Variants in CSMD1 observed in about 807,000 individuals in gnomAD.
The protein encoded by CSMD1 is CUB and Sushi multiple domains 1.
In CSMD1, 213 loss-of-function variants were observed where a neutral mutation model predicts 417.5. The ratio of observed to expected loss-of-function variants is 0.51; its 90% CI spans 0.46 to 0.57. CSMD1 has a LOEUF of 0.57. CSMD1 is among the 20% of genes least tolerant of loss of function. CSMD1 has a pLI of 0.00. For missense variants in CSMD1, 6,923 were observed against 4,529.7 expected, an observed-to-expected ratio of 1.53 and a Z score of -15.17; for synonymous variants, 2,862 against 1,736.8, an observed-to-expected ratio of 1.65 and a Z score of -16.11.
chr8:4,031,284 G>T (rs932535108), intron 4 of CSMD1, among the ~76,000 whole-genome samples: 2 of 152,172 alleles, frequency 1.3e-5, no homozygotes, highest in Non-Finnish European at 2.9e-5. Context: ...ACAAAAGAAA[G>T]AAGTTTAATA....
chr8:4,944,646 G>T (rs77042726), intron 1 of CSMD1, among the ~76,000 whole-genome samples: 3,070 of 152,230 alleles, frequency 0.02, 80 homozygotes, highest in African/African-American at 0.059. Context: ...CATATGAAGA[G>T]ATGTTCGATA....
At chr8:3,519,582 G>C (rs1797417626) in intron 10 of CSMD1, among the ~76,000 whole-genome samples, 1 of 152,118 alleles carries the variant, frequency 6.6e-6, no homozygotes, top group Non-Finnish European at 1.5e-5. Context: ...CCTTGGTAGA[G>C]ACTACCTTCA....
At chr8:4,118,865 G>A (rs1259797669) in intron 3 of CSMD1, among the ~76,000 whole-genome samples, 2 of 152,138 alleles carry the variant, frequency 1.3e-5, no homozygotes, top group African/African-American at 4.8e-5. Context: ...ATGTTAGACT[G>A]GATAAAGAAA....
intron 10 of CSMD1, among the ~76,000 whole-genome samples, chr8:3,560,637 T>G (rs920983628): frequency 2.6e-5 from 4 of 152,144 alleles, no homozygotes; most frequent in Non-Finnish European, 4.4e-5. Flanking sequence ...CGGGATGATA[T>G]AAAAACCTAG....
At chr8:3,353,604 C>A (rs1225729081) in intron 21 of CSMD1, among the ~76,000 whole-genome samples, 1 of 152,170 alleles carries the variant, frequency 6.6e-6, no homozygotes, top group African/African-American at 2.4e-5. Context: ...AAGTAAAGAG[C>A]AAGTGCTCAG....
At chr8:4,110,065 A>G (rs1400612530) in intron 3 of CSMD1, among the ~76,000 whole-genome samples, 1 of 152,192 alleles carries the variant, frequency 6.6e-6, no homozygotes, top group Non-Finnish European at 1.5e-5. Flanking sequence ...AAGTCACCCA[A>G]TGATCACGTG....
rs577176979 is a variant in CSMD1, at chr8:3,493,242, C to T, written c.1448+381G>A. ...CCGGGAGGCGGAGGTTGCAGTGAGC[C>T]GAGATCTGACCACTGCACTGCAGCC... On this transcript the variant is annotated intron_variant, in intron 11 of 69. Transcript: ENST00000635120. Among the ~76,000 whole-genome samples, 11 of 145,176 alleles carry T rather than the reference C, an allele frequency of 7.6e-5. 1 individual carries two copies. The highest frequency in any genetic ancestry group is 7.3e-3 in the Middle Eastern group (2 of 274).
chr8:4,214,685 G>A (rs1044785569), intron 3 of CSMD1, among the ~76,000 whole-genome samples: 2 of 152,136 alleles, frequency 1.3e-5, no homozygotes, highest in Non-Finnish European at 2.9e-5. Flanking sequence ...TGTGTTTGGT[G>A]TGTGTGTAGC....
intron 2 of CSMD1, among the ~76,000 whole-genome samples, chr8:4,473,531 G>A (rs1800645048): frequency 6.6e-6 from 1 of 152,100 alleles, no homozygotes; most frequent in South Asian, 2.1e-4. Flanking sequence ...TTGCAATTAG[G>A]CTATGCCTTT....
At chr8:3,230,881 A>T (rs1405853215) in intron 26 of CSMD1, among the ~76,000 whole-genome samples, 1 of 152,168 alleles carries the variant, frequency 6.6e-6, no homozygotes, top group Non-Finnish European at 1.5e-5. Context: ...CTGCATATAT[A>T]TAAAGAATCT....
intron 3 of CSMD1, among the ~76,000 whole-genome samples, chr8:4,145,122 G>T (rs908739075): frequency 2.0e-5 from 3 of 151,044 alleles, no homozygotes. Context: ...ATTACATGGC[G>T]CAGATATAAT....
At chr8:4,072,249 C>T (rs1342891605) in intron 3 of CSMD1, among the ~76,000 whole-genome samples, 1 of 151,922 alleles carries the variant, frequency 6.6e-6, no homozygotes, top group Non-Finnish European at 1.5e-5. Context: ...GGGTTGAATC[C>T]CATAGGAGTT....
intron 30 of CSMD1, 52 bp downstream of exon 30, chr8:3,214,445 T>C: frequency 1.4e-6 from 2 of 1,406,584 alleles, no homozygotes; most frequent in South Asian, 2.9e-5. Context: ...AATGAGATGC[T>C]GCATTTTAAA....
In CSMD1 at chr8:3,407,968, G is replaced by T. The variant is rs761042915; in HGVS notation, c.2002C>A (p.His668Asn). The change falls in exon 14 of 70, where the codon CAT (histidine) becomes AAT (asparagine). Residue 668 changes from histidine to asparagine, a missense_variant. Coordinates refer to ENST00000635120, the MANE Select transcript of CSMD1 (RefSeq NM_033225.6). ...GACTGAAATTCCAAGCGAACTATATGCCCACTGCTGGCCAGCTGGGAAGGC... is the reference window on the plus strand; with the variant it reads ...GACTGAAATTCCAAGCGAACTATATTCCCACTGCTGGCCAGCTGGGAAGGC... ...EVPSQLASSGHIVRLEFQSDH... is the reference protein window; with the variant it reads ...EVPSQLASSGNIVRLEFQSDH... The T allele has an allele frequency of 6.2e-7, 1 of 1,613,558 alleles. No homozygotes were observed. Among genetic ancestry groups the T allele is most frequent in the African/African-American group, 1.3e-5 (1 of 74,880 alleles).
rs150348350 is a variant in CSMD1 at position 3,856,274 on chromosome 8, A to T, written c.819-102232T>A. 4.0e-3 allele frequency among the ~76,000 whole-genome samples: 605 copies of T among 152,144 alleles called. 3 individuals carry two copies. The highest frequency in any genetic ancestry group is 0.014 in the African/African-American group (584 of 41,496). On this transcript the variant is annotated intron_variant, in intron 5 of 69. Coordinates refer to ENST00000635120, the MANE Select transcript of CSMD1 (RefSeq NM_033225.6). ...TCTTCCTACTTGGCCCATGTAAGAC[A>T]CACCTGCTTCCGCTTCATCTTCCGC...
intron 26 of CSMD1, among the ~76,000 whole-genome samples, chr8:3,254,014 A>G (rs983179252): frequency 1.3e-5 from 2 of 152,060 alleles, no homozygotes; most frequent in Non-Finnish European, 2.9e-5. Flanking sequence ...GGCTGGTACT[A>G]GTTGTTCCTT....
intron 1 of CSMD1, among the ~76,000 whole-genome samples, chr8:4,685,327 A>C (rs1806301352): frequency 6.6e-6 from 1 of 152,106 alleles, no homozygotes. Context: ...TAATCCCAGC[A>C]CTTTGGGAGG....
chr8:3,301,810 A>T (rs1378291954), intron 25 of CSMD1, among the ~76,000 whole-genome samples: 1 of 152,140 alleles, frequency 6.6e-6, no homozygotes, highest in Non-Finnish European at 1.5e-5. Context: ...TAAAGGATGG[A>T]TTTGGGAAGG....
At chr8:3,852,110 A>G (rs562591524) in intron 5 of CSMD1, among the ~76,000 whole-genome samples, 1 of 152,346 alleles carries the variant, frequency 6.6e-6, no homozygotes, top group South Asian at 2.1e-4. Context: ...ACAGAGGCTC[A>G]GGTTGTTGCA....
Sources: allele counts gnomAD v4.1 joint callset (sites outside exome capture counted in the v4.1 genomes callset), GRCh38; gene constraint gnomAD v4.1.1; transcripts MANE v1.5; gene names NCBI Gene and HGNC (gene_info 2026-07-23, HGNC 2026-07-21).